Variants in KAT6B observed in about 807,000 individuals in gnomAD.
KAT6B encodes the protein histone acetyltransferase KAT6B.
Under a neutral mutation model 187.5 loss-of-function variants are expected in KAT6B, and 10 were observed. The ratio of observed to expected loss-of-function variants is 0.05; its 90% CI spans 0.03 to 0.09. The LOEUF (loss-of-function observed/expected upper bound fraction) is 0.09, where lower values mean the gene tolerates loss of function less well. KAT6B is among the 10% of genes least tolerant of loss of function. The pLI, the probability that KAT6B is intolerant of heterozygous loss-of-function variation, is 1.00. For missense variants in KAT6B, 1,952 were observed against 2,558.9 expected (o/e 0.76, Z 5.12); for synonymous variants, 861 against 926.8 (o/e 0.93, Z 1.29).
Position 74,847,230 on chromosome 10 carries a change from G to T in KAT6B, c.621+3752G>T, listed in dbSNP as rs144841867. Among the ~76,000 whole-genome samples, 342 of 152,272 alleles carry T rather than the reference G, an allele frequency of 2.2e-3. 1 individual carries two copies. The highest frequency in any genetic ancestry group is 7.8e-3 in the African/African-American group (326 of 41,550). On this transcript the variant is annotated intron_variant, in intron 3 of 17. Coordinates refer to ENST00000287239, the MANE Select transcript of KAT6B (RefSeq NM_012330.4). ...ATCATGCTATAATGAGGAAAGCTGA[G>T]AAATGTTTTCTAGAATTTTTACTTG...
At chr10:74,874,826 G>A (rs1024981157) in intron 3 of KAT6B, among the ~76,000 whole-genome samples, 1 of 151,862 alleles carries the variant, frequency 6.6e-6, no homozygotes, top group African/African-American at 2.4e-5. Context: ...GTGTGTGTGT[G>A]TGTGTATGTG....
At position 75,030,540 on chromosome 10, in the gene KAT6B, G is replaced by A. The variant is rs760126208; in HGVS notation, c.5716G>A (p.Gly1906Ser). ...LQRNMAASNI[G>S]ISHSQRLQTQ... is the part of the protein sequence containing the mutation. ...ACGGAACATGGCTGCATCAAATATT[G>A]GCATCTCTCACAGCCAAAGACTGCA... Residue 1906 changes from glycine to serine, a missense_variant, in exon 18 of 18, where the codon GGC becomes AGC. By Grantham distance (56) the Gly-to-Ser change is moderately conservative. This residue lies in a region of KAT6B where 358 missense variants were observed against 436.3 expected (regional missense o/e 0.82). Coordinates refer to ENST00000287239, the MANE Select transcript of KAT6B (RefSeq NM_012330.4). The surrounding 1 kb of genome is among the most constrained non-coding windows in gnomAD (Gnocchi z 4.8). 1.6e-5 allele frequency: 25 copies of A among 1,607,338 alleles called. No homozygotes were observed. In the South Asian group the frequency reaches 2.3e-4, roughly 15 times the overall value.
chr10:74,982,410 T>A (rs1564604535), intron 11 of KAT6B: 1 of 165,768 alleles, frequency 6.0e-6, no homozygotes, highest in Non-Finnish European at 1.3e-5. Flanking sequence ...ATGTTGGGAC[T>A]CCCTCCCATC....
chr10:74,952,076 C>T (rs941988767), intron 3 of KAT6B, among the ~76,000 whole-genome samples: 3 of 152,080 alleles, frequency 2.0e-5, no homozygotes, highest in African/African-American at 7.2e-5. Context: ...GGTATGGAGC[C>T]GAGCACAGTG....
chr10:74,922,140 A>C (rs902985168), intron 3 of KAT6B, among the ~76,000 whole-genome samples: 1 of 128,776 alleles, frequency 7.8e-6, no homozygotes, highest in Non-Finnish European at 1.7e-5. Context: ...AAAATAACTC[A>C]TGTGATTGTA....
At chr10:74,931,204 C>T (rs1438585618) in intron 3 of KAT6B, among the ~76,000 whole-genome samples, 1 of 152,130 alleles carries the variant, frequency 6.6e-6, no homozygotes, top group Non-Finnish European at 1.5e-5. Flanking sequence ...CTTTGTTTTC[C>T]TTGTCTGAGG....
chr10:74,884,234 T>C (rs2132554726), intron 3 of KAT6B, among the ~76,000 whole-genome samples: 1 of 152,258 alleles, frequency 6.6e-6, no homozygotes, highest in East Asian at 1.9e-4. Context: ...TTGTATGCTC[T>C]AGTCAAGCCC....
intron 1 of KAT6B, among the ~76,000 whole-genome samples, chr10:74,827,762 G>A (rs1317033644): frequency 3.3e-5 from 5 of 152,116 alleles, no homozygotes; most frequent in Admixed American, 6.6e-5. Context: ...GACTGTGCCA[G>A]GGGTGAGGAT....
At chr10:74,942,349 T>C (rs1481137537) in intron 3 of KAT6B, among the ~76,000 whole-genome samples, 2 of 152,250 alleles carry the variant, frequency 1.3e-5, no homozygotes, top group Middle Eastern at 3.4e-3. Context: ...GAAGCAAATA[T>C]ATGATCATCT....
intron 13 of KAT6B, among the ~76,000 whole-genome samples, chr10:75,008,285 G>C (rs2134029642): frequency 6.6e-6 from 1 of 152,274 alleles, no homozygotes. Context: ...AGCAGACACT[G>C]TAAGATGTGT....
chr10:74,905,790 G>C (rs1379597677), intron 3 of KAT6B, among the ~76,000 whole-genome samples: 1 of 152,056 alleles, frequency 6.6e-6, no homozygotes, highest in Non-Finnish European at 1.5e-5. Flanking sequence ...ACTGACTCTT[G>C]GTCGGTTTAT....
intron 3 of KAT6B, among the ~76,000 whole-genome samples, chr10:74,959,272 C>G (rs142070484): frequency 1.1e-3 from 164 of 152,220 alleles, no homozygotes; most frequent in African/African-American, 3.4e-3. Flanking sequence ...TAATAGCAAT[C>G]TGCGCTGCAA....
rs1411838489 is a variant in KAT6B, at chr10:74,975,509, C to G, written c.1172C>G (p.Ser391Cys). The change falls in exon 8 of 18, where the codon TCT becomes TGT. Residue 391 changes from serine (S) to cysteine (C), a missense_variant. Physicochemically the swap from Ser to Cys is moderately radical, Grantham distance 112 (BLOSUM62 -1). This residue lies in a region of KAT6B where 417 missense variants were observed against 508.9 expected (regional missense o/e 0.82). Transcript: ENST00000287239. ...ACACCTTCATCTGGTCATGCTGCAT[C>G]TGGGAAGGACTCAAGCAGCAGATTG... ...CTTPSSGHAASGKDSSSRLAV... is the reference protein window; with the variant it reads ...CTTPSSGHAACGKDSSSRLAV... The G allele has an allele frequency of 2.5e-6, 4 of 1,613,940 alleles. No individual in the cohort carries two copies. The highest frequency in any genetic ancestry group is 3.4e-6 in the Non-Finnish European group (4 of 1,180,010).
intron 3 of KAT6B, among the ~76,000 whole-genome samples, chr10:74,921,384 G>C (rs1399718510): frequency 6.6e-6 from 1 of 152,084 alleles, no homozygotes; most frequent in East Asian, 1.9e-4. Flanking sequence ...AAAGTGCTGG[G>C]ATTATAGGCA....
At chr10:74,864,386 G>A (rs186989636) in intron 3 of KAT6B, among the ~76,000 whole-genome samples, 3 of 151,838 alleles carry the variant, frequency 2.0e-5, no homozygotes, top group African/African-American at 4.8e-5. Flanking sequence ...GATTACAGGC[G>A]TGCTCCACTA....
At position 74,872,176 on chromosome 10, in the gene KAT6B, A is replaced by G. The variant is rs149101038; in HGVS notation, c.621+28698A>G. Among the ~76,000 whole-genome samples, 12 of 152,270 alleles carry G rather than the reference A, an allele frequency of 7.9e-5. 1 individual carries two copies. Among genetic ancestry groups the G allele is most frequent in the Middle Eastern group, 3.4e-3 (1 of 294 alleles). ...CTCACACTTGCTCAGCCCTGTTTGAACCCAGACAGAGAGCAGCTCAAAATA... is the reference window on the plus strand; with the variant it reads ...CTCACACTTGCTCAGCCCTGTTTGAGCCCAGACAGAGAGCAGCTCAAAATA... On this transcript the variant is annotated intron_variant, in intron 3 of 17. Coordinates refer to ENST00000287239, the MANE Select transcript of KAT6B (RefSeq NM_012330.4).
chr10:74,937,990 A>G (rs1379888085), intron 3 of KAT6B, among the ~76,000 whole-genome samples: 2 of 152,186 alleles, frequency 1.3e-5, no homozygotes, highest in Non-Finnish European at 2.9e-5. Context: ...CCAGAGTTGA[A>G]TATGAGTTGT....
intron 3 of KAT6B, among the ~76,000 whole-genome samples, chr10:74,895,698 C>T (rs961832138): frequency 2.0e-5 from 3 of 152,040 alleles, no homozygotes; most frequent in African/African-American, 7.3e-5. Context: ...AGCTACCATG[C>T]CTAGCTAATT....
chr10:74,981,139 G>T (rs1842479821), intron 10 of KAT6B, among the ~76,000 whole-genome samples: 1 of 152,000 alleles, frequency 6.6e-6, no homozygotes, highest in African/African-American at 2.4e-5. Flanking sequence ...GATTTTTTAG[G>T]GTGGTGGTTC....
Sources: gnomAD v4.1 joint callset for allele counts (sites outside exome capture counted in the v4.1 genomes callset) on GRCh38, gnomAD v4.1.1 for gene constraint, gnomAD v4.1.1 regional missense constraint, Gnocchi (gnomAD v3.1) non-coding constraint, MANE v1.5 for transcripts, NCBI Gene and HGNC (gene_info 2026-07-23, HGNC 2026-07-21) for gene names.